The following TMEFF2 variants were observed in gnomAD, a reference collection of about 807,000 sequenced individuals.
TMEFF2 encodes the protein tomoregulin-2.
Under a neutral mutation model 53.8 loss-of-function variants are expected in TMEFF2, and 28 were observed. The ratio of observed to expected loss-of-function variants is 0.52; its 90% CI spans 0.39 to 0.71. The LOEUF is 0.71. TMEFF2 is among the 30% of genes least tolerant of loss of function. The pLI is 0.00. For synonymous variants in TMEFF2, 162 were observed against 166.3 expected, an observed-to-expected ratio of 0.97 and a Z score of 0.20; for missense variants, 353 against 455.2, an observed-to-expected ratio of 0.78 and a Z score of 2.04.
chr2:192,015,985 AT>A (rs1392365617), intron 5 of TMEFF2, among the ~76,000 whole-genome samples: 1 of 152,226 alleles, frequency 6.6e-6, no homozygotes, highest in East Asian at 1.9e-4. Flanking sequence ...ATGAATGTTG[AT>A]TAAACATAAG....
At chr2:192,116,086 T>C (rs1284243973) in intron 4 of TMEFF2, among the ~76,000 whole-genome samples, 2 of 151,940 alleles carry the variant, frequency 1.3e-5, no homozygotes, top group African/African-American at 2.4e-5. Context: ...ACAACTGAAG[T>C]GTCCATCAAC....
chr2:192,023,873 G>T (rs913535303), intron 5 of TMEFF2, among the ~76,000 whole-genome samples: 1 of 152,094 alleles, frequency 6.6e-6, no homozygotes, highest in African/African-American at 2.4e-5. Flanking sequence ...TGAAGGTTTA[G>T]CAACTTTCAT....
chr2:191,982,779 T>C (rs1216515658), intron 7 of TMEFF2, among the ~76,000 whole-genome samples: 2 of 152,166 alleles, frequency 1.3e-5, no homozygotes, highest in Admixed American at 1.3e-4. Context: ...CATTTGAGTA[T>C]GTACAGTTTT....
chr2:192,077,974 A>G (rs912477953), intron 4 of TMEFF2, among the ~76,000 whole-genome samples: 1 of 152,144 alleles, frequency 6.6e-6, no homozygotes, highest in African/African-American at 2.4e-5. Flanking sequence ...CAAGCACTAG[A>G]GTCTGCCATA....
intron 4 of TMEFF2, chr2:192,177,904 A>G (rs929304992): frequency 1.3e-5 from 2 of 151,092 alleles, no homozygotes; most frequent in Non-Finnish European, 3.0e-5. Flanking sequence ...TGCTAATAAC[A>G]ATGAATGAAA....
chr2:192,083,389 G>T (rs1688598439), intron 4 of TMEFF2, among the ~76,000 whole-genome samples: 1 of 152,002 alleles, frequency 6.6e-6, no homozygotes, highest in African/African-American at 2.4e-5. Context: ...GAGTATAGAG[G>T]CCAAACCTCC....
intron 7 of TMEFF2, among the ~76,000 whole-genome samples, chr2:191,988,112 A>G (rs1178159252): frequency 6.6e-6 from 1 of 152,174 alleles, no homozygotes; most frequent in Non-Finnish European, 1.5e-5. Flanking sequence ...CTGACAATCT[A>G]CTTAGACACA....
At chr2:192,088,758 C>T (rs539531033) in intron 4 of TMEFF2, among the ~76,000 whole-genome samples, 4 of 151,958 alleles carry the variant, frequency 2.6e-5, no homozygotes, top group Non-Finnish European at 5.9e-5. Context: ...TTTCTTCTGC[C>T]ATCCCTAAAT....
chr2:191,999,151 A>G lies in TMEFF2; in HGVS notation c.594T>C (p.Asp198=). 1 of 1,612,404 alleles carries G rather than the reference A, an allele frequency of 6.2e-7. No individual in the cohort carries two copies. The highest frequency in any genetic ancestry group is 1.1e-5 in the South Asian group (1 of 90,942). The change falls in exon 6 of 10, where the codon GAT becomes GAC. Residue 198 remains aspartate, a synonymous_variant. Coordinates refer to ENST00000272771, the MANE Select transcript of TMEFF2 (RefSeq NM_016192.4). The part of the protein sequence containing the change: ...QTNFNPLCAS[D]GKSYDNACQI... ...GGCATGCATTATCATAAGATTTCCC[A>G]TCAGAAGCGCAGAGGGGATTGAAGT...
At chr2:191,964,628 G>C (rs1377747957) in intron 7 of TMEFF2, among the ~76,000 whole-genome samples, 1 of 151,380 alleles carries the variant, frequency 6.6e-6, no homozygotes, top group African/African-American at 2.4e-5. Context: ...AATGAAAAAG[G>C]CCCTCTCAAT....
chr2:192,169,925 A>C (rs1035116451), intron 4 of TMEFF2, among the ~76,000 whole-genome samples: 1 of 152,060 alleles, frequency 6.6e-6, no homozygotes, highest in Admixed American at 6.6e-5. Flanking sequence ...CAGTGTGGGC[A>C]TGAGCTTCCA....
intron 5 of TMEFF2, chr2:192,037,089 A>G (rs908216210): frequency 1.3e-5 from 2 of 151,954 alleles, no homozygotes; most frequent in African/African-American, 4.8e-5. Flanking sequence ...GACCTATCGT[A>G]TGTACTAAAT....
intron 4 of TMEFF2, among the ~76,000 whole-genome samples, chr2:192,158,141 A>T (rs1313547782): frequency 6.6e-6 from 1 of 152,090 alleles, no homozygotes; most frequent in Non-Finnish European, 1.5e-5. Context: ...TAAAAATGTG[A>T]ATTTCACAAT....
chr2:192,075,838 G>T (rs1169907582), intron 4 of TMEFF2, among the ~76,000 whole-genome samples: 1 of 151,922 alleles, frequency 6.6e-6, no homozygotes, highest in Non-Finnish European at 1.5e-5. Context: ...CAACTATTGC[G>T]GGAGATACTA....
intron 5 of TMEFF2, among the ~76,000 whole-genome samples, chr2:192,002,771 G>A (rs770748864): frequency 3.4e-4 from 51 of 152,082 alleles, no homozygotes; most frequent in Middle Eastern, 3.4e-3. Context: ...CGGAGGTTGC[G>A]GTGAGCTGAG....
intron 1 of TMEFF2, among the ~76,000 whole-genome samples, chr2:192,193,077 C>G (rs1691502467): frequency 6.6e-6 from 1 of 152,182 alleles, no homozygotes; most frequent in Admixed American, 6.5e-5. Context: ...TCAGTAATAA[C>G]TAGGAACTAT....
intron 4 of TMEFF2, among the ~76,000 whole-genome samples, chr2:192,082,880 G>A (rs1262411727): frequency 1.3e-5 from 2 of 151,452 alleles, no homozygotes; most frequent in African/African-American, 4.8e-5. Context: ...ATGTCAAAGT[G>A]CTAAATAGAA....
chr2:192,112,334 T>G (rs1207335302), intron 4 of TMEFF2, among the ~76,000 whole-genome samples: 1 of 152,152 alleles, frequency 6.6e-6, no homozygotes, highest in Non-Finnish European at 1.5e-5. Flanking sequence ...ATGTGAGACA[T>G]GGAGTCAAAG....
intron 7 of TMEFF2, among the ~76,000 whole-genome samples, chr2:191,991,782 A>C (rs780029193): frequency 6.6e-6 from 1 of 152,126 alleles, no homozygotes; most frequent in Non-Finnish European, 1.5e-5. Flanking sequence ...ACTGGTGCAT[A>C]AATACAAAGT....
Sources: gnomAD v4.1 joint callset for allele counts (sites outside exome capture counted in the v4.1 genomes callset) on GRCh38, gnomAD v4.1.1 for gene constraint, MANE v1.5 for transcripts, NCBI Gene and HGNC (gene_info 2026-07-23, HGNC 2026-07-21) for gene names.